Variants in SNAP29 observed in about 807,000 individuals in gnomAD.
SNAP29 encodes the protein synaptosome associated protein 29, also known as synaptosomal-associated protein 29.
SNAP29 carries 13 observed loss-of-function variants against 27.9 expected under a neutral mutation model. The observed-to-expected ratio is 0.47, with a 90% CI of 0.30 to 0.74. The LOEUF is 0.74. Ranked by LOEUF, SNAP29 falls within the 30% of genes least tolerant of loss-of-function variation. The pLI is 0.06. For missense variants in SNAP29, 368 were observed against 336.5 expected (o/e 1.09, Z -0.73); for synonymous variants, 119 against 127.1 (o/e 0.94, Z 0.43).
intron 2 of SNAP29, among the ~76,000 whole-genome samples, chr22:20,871,941 G>A (rs1284519950): frequency 6.6e-6 from 1 of 152,048 alleles, no homozygotes; most frequent in African/African-American, 2.4e-5. Context: ...CAAGGATAAA[G>A]GAATGGAGTT....
chr22:20,879,675 G>A (rs1928843398), intron 2 of SNAP29, among the ~76,000 whole-genome samples: 1 of 151,368 alleles, frequency 6.6e-6, no homozygotes, highest in Non-Finnish European at 1.5e-5. Context: ...GTGAAACTCT[G>A]TCTCTACTAA....
At chr22:20,862,063 C>T (rs2147859342) in intron 1 of SNAP29, among the ~76,000 whole-genome samples, 1 of 152,344 alleles carries the variant, frequency 6.6e-6, no homozygotes, top group South Asian at 2.1e-4. Context: ...AGCCACTGCG[C>T]CCGGTCCTAA....
At position 20,883,620 on chromosome 22, in the gene SNAP29, C is replaced by T. The variant is rs780348943; in HGVS notation, c.619+51C>T. On this transcript the variant is annotated intron_variant, in intron 4 of 4. Transcript: ENST00000215730. ...CTGTAAGCCACTGTCCTTCAGGCAG[C>T]TTACGCCAAGCATAGCCCCTGCATG... The T allele has an allele frequency of 3.3e-6, 4 of 1,217,926 alleles. No homozygotes were observed. In the South Asian group the frequency reaches 3.6e-5, roughly 11 times the overall value. The allele number at this position is 1,217,926 out of a possible 1,614,324, so 75.4% of individuals were successfully genotyped here.
At position 20,888,234 on chromosome 22, in the gene SNAP29, A is replaced by C. The variant is rs543685574; in HGVS notation, c.*398A>C. On this transcript the variant is annotated 3_prime_UTR_variant, in exon 5 of 5. Transcript: ENST00000215730. ...TCATTCCTAAGCCTTACCATGAGTC[A>C]GAGTGTTAAGGGGGCCTGTGAACCA... 19 of 324,660 alleles carry C rather than the reference A, an allele frequency of 5.9e-5. No individual in the cohort carries two copies. In the Admixed American group the frequency reaches 6.9e-4, roughly 12 times the overall value. The allele number at this position is 324,660 out of a possible 1,614,324, so 20.1% of individuals were successfully genotyped here.
intron 1 of SNAP29, among the ~76,000 whole-genome samples, chr22:20,869,958 A>G (rs1251945166): frequency 2.6e-5 from 4 of 151,900 alleles, no homozygotes; most frequent in African/African-American, 4.8e-5. Context: ...TTTAGTAGAG[A>G]GGGGGTTTCA....
intron 2 of SNAP29, among the ~76,000 whole-genome samples, chr22:20,880,484 T>A (rs1367402663): frequency 4.1e-5 from 6 of 146,478 alleles, no homozygotes; most frequent in African/African-American, 1.3e-4. Context: ...CCAGCCTGGG[T>A]GACAAAGCAA....
At chr22:20,876,852 C>T (rs1928758216) in intron 2 of SNAP29, among the ~76,000 whole-genome samples, 1 of 152,112 alleles carries the variant, frequency 6.6e-6, no homozygotes, top group African/African-American at 2.4e-5. Context: ...TAAGTTTCTC[C>T]TATCAAACTT....
chr22:20,869,678 A>G (rs745547321), intron 1 of SNAP29, among the ~76,000 whole-genome samples: 3 of 152,204 alleles, frequency 2.0e-5, no homozygotes, highest in South Asian at 2.1e-4. Context: ...GCCAGGCCCA[A>G]CCTGTGAGGG....
At chr22:20,885,703 C>T (rs1928997707) in intron 4 of SNAP29, among the ~76,000 whole-genome samples, 1 of 152,180 alleles carries the variant, frequency 6.6e-6, no homozygotes, top group Admixed American at 6.6e-5. Flanking sequence ...GCACTGTGGA[C>T]GAGCAGCTGG....
At chr22:20,879,444 CAGA>C (rs1928834793) in intron 2 of SNAP29, among the ~76,000 whole-genome samples, 4 of 151,912 alleles carry the variant, frequency 2.6e-5, no homozygotes. Flanking sequence ...GAGGCTGAGG[CAGA>C]AGAATAGCTT....
chr22:20,873,327 T>A (rs78714002), intron 2 of SNAP29, among the ~76,000 whole-genome samples: 27 of 152,118 alleles, frequency 1.8e-4, no homozygotes, highest in African/African-American at 6.5e-4. Context: ...CCGTTTTTTT[T>A]AATGCATCAC....
chr22:20,859,428 T>G, intron 1 of SNAP29, 81 bp downstream of exon 1: 2 of 1,072,220 alleles, frequency 1.9e-6, no homozygotes, highest in Non-Finnish European at 2.9e-6. Context: ...GCTCACAATC[T>G]TTTGAGAATT....
chr22:20,863,859 T>C (rs902394579), intron 1 of SNAP29, among the ~76,000 whole-genome samples: 16 of 152,172 alleles, frequency 1.1e-4, no homozygotes, highest in Admixed American at 3.3e-4. Context: ...ATGGGTTTTT[T>C]TTTTTAAGTG....
chr22:20,878,530 A>G (rs1928803899), intron 2 of SNAP29, among the ~76,000 whole-genome samples: 1 of 151,776 alleles, frequency 6.6e-6, no homozygotes, highest in African/African-American at 2.4e-5. Context: ...GTGCGTGGAG[A>G]TCACGCCACT....
intron 1 of SNAP29, among the ~76,000 whole-genome samples, chr22:20,866,934 C>T (rs529695529): frequency 5.9e-5 from 9 of 152,102 alleles, no homozygotes; most frequent in Admixed American, 2.0e-4. Flanking sequence ...TGTGTGCACG[C>T]GTGCAGTAGC....
chr22:20,864,231 A>T (rs551555341), intron 1 of SNAP29, among the ~76,000 whole-genome samples: 22 of 152,264 alleles, frequency 1.4e-4, no homozygotes, highest in African/African-American at 5.3e-4. Flanking sequence ...CAGGGTTGGA[A>T]CGGCTGGCAC....
In SNAP29 at chr22:20,859,168, G is replaced by A; in HGVS notation, c.58G>A (p.Ala20Thr). The change falls in exon 1 of 5, where the codon GCC becomes ACC. Residue 20 changes from alanine to threonine, a missense_variant. Transcript: ENST00000215730. ...PFDDDGEDEG[A>T]RPAPWRDARD... ...CGACGACGACGGGGAGGACGAAGGC[G>A]CCCGGCCGGCCCCTTGGAGGGACGC... 3.7e-6 allele frequency: 6 copies of A among 1,604,940 alleles called. No individual in the cohort carries two copies. The highest frequency in any genetic ancestry group is 1.3e-5 in the African/African-American group (1 of 75,016).
chr22:20,864,045 GAGTCTA>G (rs982377580), intron 1 of SNAP29, among the ~76,000 whole-genome samples: 1 of 152,114 alleles, frequency 6.6e-6, no homozygotes, highest in African/African-American at 2.4e-5. Context: ...ACCTTTTGGT[GAGTCTA>G]TTTGCATCCT....
Position 20,859,041 on chromosome 22 carries a change from C to T in SNAP29, c.-70C>T, listed in dbSNP as rs573650376. 2.9e-5 allele frequency: 42 copies of T among 1,426,150 alleles called. No homozygotes were observed. The highest frequency in any genetic ancestry group is 1.4e-4 in the African/African-American group (10 of 71,092). The allele number at this position is 1,426,150 out of a possible 1,614,324, so 88.3% of individuals were successfully genotyped here. On this transcript the variant is annotated 5_prime_UTR_variant, in exon 1 of 5. Coordinates refer to ENST00000215730, the MANE Select transcript of SNAP29 (RefSeq NM_004782.4). ...ACGACCGCGGGGTCGGCGGGCGGGG[C>T]GAGGCCCTGGACGGCGGCGGCAGTG...
Sources: allele counts gnomAD v4.1 joint callset (sites outside exome capture counted in the v4.1 genomes callset), GRCh38; gene constraint gnomAD v4.1.1; transcripts MANE v1.5; gene names NCBI Gene and HGNC (gene_info 2026-07-23, HGNC 2026-07-21).